Variants in CBLB observed in about 807,000 individuals in gnomAD.
CBLB encodes E3 ubiquitin-protein ligase CBL-B.
A neutral mutation model predicts 104.9 loss-of-function variants in CBLB; 31 were observed. The observed-to-expected ratio is 0.30, with a 90% confidence interval of 0.22 to 0.40. The LOEUF (loss-of-function observed/expected upper bound fraction) is 0.40. CBLB is among the 10% of genes least tolerant of loss of function. The pLI, the probability that CBLB is intolerant of heterozygous loss-of-function variation, is 1.00. For synonymous variants in CBLB, 440 were observed against 422.6 expected (o/e 1.04, Z -0.51); for missense variants, 1,062 against 1,214.6 (o/e 0.87, Z 1.87).
chr3:105,693,389 A>C, intron 13 of CBLB, 105 bp downstream of exon 13: 2 of 731,954 alleles, frequency 2.7e-6, no homozygotes, highest in South Asian at 3.0e-5. Context: ...TTTACTATCA[A>C]TGACTTTCTA....
At chr3:105,795,977 C>A (rs1316568132) in intron 3 of CBLB, among the ~76,000 whole-genome samples, 1 of 152,158 alleles carries the variant, frequency 6.6e-6, no homozygotes, top group Non-Finnish European at 1.5e-5. Context: ...CCACCTCGGC[C>A]TCCCAAAGTG....
At chr3:105,745,445 T>C (rs1340238442) in intron 6 of CBLB, among the ~76,000 whole-genome samples, 1 of 152,230 alleles carries the variant, frequency 6.6e-6, no homozygotes, top group Non-Finnish European at 1.5e-5. Flanking sequence ...TTGGTTTTGA[T>C]TATAACAATA....
In CBLB at chr3:105,836,833, T is replaced by C. The variant is rs2088591969; in HGVS notation, c.419+16581A>G. On this transcript the variant is annotated intron_variant, in intron 3 of 18. Transcript: ENST00000394030. ...CAGTGAGAACACACATGCCTCTGTT[T>C]TCCTGTCAAGTCTAAGTCTGCATGG... Among the ~76,000 whole-genome samples the C allele has an allele frequency of 2.6e-5, 4 of 152,090 alleles. No homozygotes were observed. In the South Asian group the frequency reaches 8.3e-4, roughly 32 times the overall value.
intron 12 of CBLB, among the ~76,000 whole-genome samples, chr3:105,701,474 C>T (rs142836919): frequency 1.1e-4 from 16 of 152,248 alleles, no homozygotes; most frequent in African/African-American, 3.8e-4. Flanking sequence ...GTTAAAAATA[C>T]CGTGCTGGCT....
chr3:105,834,572 C>T (rs1447973133), intron 3 of CBLB, among the ~76,000 whole-genome samples: 2 of 152,150 alleles, frequency 1.3e-5, no homozygotes, highest in Non-Finnish European at 2.9e-5. Context: ...AGGAGAATGG[C>T]ATGAACCAGG....
At chr3:105,761,127 G>C (rs1029453307) in intron 4 of CBLB, among the ~76,000 whole-genome samples, 2 of 152,162 alleles carry the variant, frequency 1.3e-5, no homozygotes, top group Non-Finnish European at 2.9e-5. Flanking sequence ...CGACCTCCCA[G>C]GCTCAAGTGA....
chr3:105,739,275 T>G (rs971554351), intron 7 of CBLB, among the ~76,000 whole-genome samples: 24 of 152,332 alleles, frequency 1.6e-4, no homozygotes, highest in African/African-American at 5.5e-4. Flanking sequence ...TTTTTTTCTT[T>G]TCTTTCTTTC....
intron 2 of CBLB, among the ~76,000 whole-genome samples, chr3:105,856,125 G>C (rs1211399556): frequency 6.6e-6 from 1 of 152,102 alleles, no homozygotes; most frequent in Non-Finnish European, 1.5e-5. Flanking sequence ...GCCGAGACAG[G>C]CAGATCATGA....
chr3:105,779,863 T>G (rs1577118598), intron 3 of CBLB, among the ~76,000 whole-genome samples: 1 of 152,158 alleles, frequency 6.6e-6, no homozygotes. Flanking sequence ...GATACCTATT[T>G]TTTTTTTGAG....
chr3:105,812,933 G>T (rs1410897226), intron 3 of CBLB, among the ~76,000 whole-genome samples: 1 of 151,928 alleles, frequency 6.6e-6, no homozygotes, highest in East Asian at 1.9e-4. Flanking sequence ...TTCTTATCTA[G>T]GAAATGTAAA....
At chr3:105,844,919 C>A (rs955158383) in intron 3 of CBLB, among the ~76,000 whole-genome samples, 2 of 152,280 alleles carry the variant, frequency 1.3e-5, no homozygotes, top group African/African-American at 4.8e-5. Context: ...AAGGAGCTTT[C>A]TTTAACTAAA....
At chr3:105,688,331 CAT>C (rs1559825659) in intron 13 of CBLB, among the ~76,000 whole-genome samples, 1 of 151,950 alleles carries the variant, frequency 6.6e-6, no homozygotes, top group African/African-American at 2.4e-5. Context: ...CTCAAAGATG[CAT>C]AGTCACCACC....
intron 18 of CBLB, among the ~76,000 whole-genome samples, chr3:105,665,298 G>A (rs2064250540): frequency 6.6e-6 from 1 of 151,328 alleles, no homozygotes; most frequent in Admixed American, 6.6e-5. Context: ...CAGGAGAATT[G>A]CTTGAACCCG....
chr3:105,822,966 C>T (rs2086087492), intron 3 of CBLB, among the ~76,000 whole-genome samples: 1 of 152,156 alleles, frequency 6.6e-6, no homozygotes, highest in Admixed American at 6.6e-5. Flanking sequence ...TATCTTTGTG[C>T]TGCTTTTGTT....
At chr3:105,744,501 A>G (rs961488404) in intron 6 of CBLB, among the ~76,000 whole-genome samples, 2 of 152,220 alleles carry the variant, frequency 1.3e-5, no homozygotes, top group Non-Finnish European at 2.9e-5. Flanking sequence ...AGAAGATTTC[A>G]GTGGAAGCCA....
At chr3:105,751,342 T>C in intron 5 of CBLB, 120 bp downstream of exon 5, 3 of 778,252 alleles carry the variant, frequency 3.9e-6, no homozygotes, top group Non-Finnish European at 6.7e-6. Flanking sequence ...AATGACACTA[T>C]TTTCCATATG....
At chr3:105,780,666 T>TTTTTTTTTTTTG (rs2080125379) in intron 3 of CBLB, among the ~76,000 whole-genome samples, 1 of 122,766 alleles carries the variant, frequency 8.1e-6, no homozygotes, top group Admixed American at 9.0e-5. Flanking sequence ...TTTTGTTTTT[T>TTTTTTTTTTTTG]TTTTTTTTTT....
chr3:105,733,231 C>T (rs2074526911), intron 9 of CBLB, among the ~76,000 whole-genome samples: 1 of 151,978 alleles, frequency 6.6e-6, no homozygotes, highest in African/African-American at 2.4e-5. Flanking sequence ...GTGGCGGGCA[C>T]CTGTAGACCC....
chr3:105,817,232 T>C (rs547566670), intron 3 of CBLB, among the ~76,000 whole-genome samples: 4 of 152,114 alleles, frequency 2.6e-5, no homozygotes, highest in South Asian at 4.1e-4. Context: ...CTTTAGCACA[T>C]TGGGGAGCAA....
Sources: allele counts gnomAD v4.1 joint callset (sites outside exome capture counted in the v4.1 genomes callset), GRCh38; gene constraint gnomAD v4.1.1; transcripts MANE v1.5; gene names NCBI Gene and HGNC (gene_info 2026-07-23, HGNC 2026-07-21).